Variants in ST3GAL3 observed in about 807,000 individuals in gnomAD.
ST3GAL3 encodes CMP-N-acetylneuraminate-beta-1,4-galactoside alpha-2,3-sialyltransferase.
Under a neutral mutation model 50.1 loss-of-function variants are expected in ST3GAL3, and 21 were observed. The ratio of observed to expected loss-of-function variants is 0.42; its 90% CI spans 0.30 to 0.60. The LOEUF (loss-of-function observed/expected upper bound fraction) is 0.60, where lower values mean the gene tolerates loss of function less well. Ranked by LOEUF, ST3GAL3 falls within the 20% of genes least tolerant of loss-of-function variation. ST3GAL3 has a pLI of 0.19. For synonymous variants in ST3GAL3, 183 were observed against 190.0 expected (o/e 0.96, Z 0.30); for missense variants, 353 against 489.4 (o/e 0.72, Z 2.63).
At chr1:43,710,942 C>G (rs565707716) in intron 1 of ST3GAL3, among the ~76,000 whole-genome samples, 1 of 152,224 alleles carries the variant, frequency 6.6e-6, no homozygotes, top group Non-Finnish European at 1.5e-5. Context: ...ATAGACTGTC[C>G]TCTTCATCAT....
At chr1:43,807,458 A>G (rs2060036262) in intron 3 of ST3GAL3, among the ~76,000 whole-genome samples, 1 of 151,900 alleles carries the variant, frequency 6.6e-6, no homozygotes, top group South Asian at 2.1e-4. Context: ...ATAAAGTAGG[A>G]ATGATATCTA....
At chr1:43,821,680 C>T (rs1179698258) in intron 4 of ST3GAL3, among the ~76,000 whole-genome samples, 2 of 152,124 alleles carry the variant, frequency 1.3e-5, no homozygotes, top group South Asian at 4.1e-4. Context: ...AGAATTGACC[C>T]CGTCTTCCCC....
At chr1:43,856,398 C>T (rs1197463085) in intron 5 of ST3GAL3, among the ~76,000 whole-genome samples, 4 of 152,166 alleles carry the variant, frequency 2.6e-5, no homozygotes, top group Non-Finnish European at 5.9e-5. Context: ...GTCATAGTAG[C>T]ACAGAGCCAG....
chr1:43,917,643 A>T (rs1374295085), intron 9 of ST3GAL3, among the ~76,000 whole-genome samples: 806 of 73,278 alleles, frequency 0.011, 15 homozygotes, highest in African/African-American at 0.04. Flanking sequence ...ATATAATATA[A>T]TATATAATAT....
At chr1:43,760,320 T>TA (rs1689785679) in intron 2 of ST3GAL3, among the ~76,000 whole-genome samples, 1 of 152,250 alleles carries the variant, frequency 6.6e-6, no homozygotes, top group African/African-American at 2.4e-5. Flanking sequence ...ACTTGTCTGA[T>TA]ACAGTCAGTA....
At chr1:43,723,911 C>T (rs1203251766) in intron 1 of ST3GAL3, among the ~76,000 whole-genome samples, 2 of 152,204 alleles carry the variant, frequency 1.3e-5, no homozygotes, top group African/African-American at 2.4e-5. Context: ...TGTGTCCAGC[C>T]TCAGGTATTT....
intron 2 of ST3GAL3, among the ~76,000 whole-genome samples, chr1:43,746,046 G>A (rs188823256): frequency 5.9e-5 from 9 of 152,280 alleles, no homozygotes; most frequent in Admixed American, 3.9e-4. Flanking sequence ...GCCTAACAGC[G>A]CAGTTCTTAG....
chr1:43,921,191 CT>C (rs2082976455), intron 11 of ST3GAL3, among the ~76,000 whole-genome samples: 1 of 152,180 alleles, frequency 6.6e-6, no homozygotes, highest in Admixed American at 6.5e-5. Context: ...GAACACTAGT[CT>C]AGCACCAGCT....
chr1:43,788,054 GT>G (rs1375885015), intron 2 of ST3GAL3, among the ~76,000 whole-genome samples: 1 of 152,184 alleles, frequency 6.6e-6, no homozygotes, highest in East Asian at 1.9e-4. Context: ...GGATTCAGAA[GT>G]TCTGTTTTGA....
chr1:43,764,928 AG>A (rs1235957774), intron 2 of ST3GAL3, among the ~76,000 whole-genome samples: 3 of 152,260 alleles, frequency 2.0e-5, no homozygotes, highest in African/African-American at 7.2e-5. Flanking sequence ...CTCTCCTGAA[AG>A]GGCTGGTAGA....
chr1:43,823,661 G>C (rs1378978811), intron 4 of ST3GAL3, among the ~76,000 whole-genome samples: 2 of 152,044 alleles, frequency 1.3e-5, no homozygotes, highest in Non-Finnish European at 2.9e-5. Flanking sequence ...TTTATTGTCT[G>C]TCTCCATCTA....
chr1:43,713,814 G>C (rs911946519), intron 1 of ST3GAL3, among the ~76,000 whole-genome samples: 2 of 152,086 alleles, frequency 1.3e-5, no homozygotes, highest in South Asian at 2.1e-4. Flanking sequence ...GGGTTTACAC[G>C]CGTGAGCCAC....
chr1:43,843,956 G>A (rs573772120), intron 5 of ST3GAL3, among the ~76,000 whole-genome samples: 7 of 152,158 alleles, frequency 4.6e-5, no homozygotes, highest in African/African-American at 9.7e-5. Flanking sequence ...TATACATCTC[G>A]CCAACCAGCT....
intron 4 of ST3GAL3, among the ~76,000 whole-genome samples, chr1:43,823,583 C>G (rs2062394744): frequency 6.6e-6 from 1 of 152,180 alleles, no homozygotes; most frequent in Admixed American, 6.5e-5. Context: ...TTCCCTGTTC[C>G]CCTTTACTGT....
rs926109255 is a variant in ST3GAL3 at position 43,789,057 on chromosome 1, G to T, written c.119-3045G>T. 2.6e-5 allele frequency among the ~76,000 whole-genome samples: 4 copies of T among 152,064 alleles called. No homozygotes were observed. In the East Asian group the frequency reaches 7.7e-4, roughly 29 times the overall value. ...ATTTTGCATATCTGGAACTCAAGGT[G>T]GTAAATGAGGCAAATGGTAAAGACA... On this transcript the variant is annotated intron_variant, in intron 2 of 11. Transcript: ENST00000347631.
chr1:43,716,083 A>G (rs913843753), intron 1 of ST3GAL3, among the ~76,000 whole-genome samples: 2 of 152,246 alleles, frequency 1.3e-5, no homozygotes, highest in African/African-American at 4.8e-5. Context: ...GGAAACATTA[A>G]AAACGTCTAT....
chr1:43,916,112 C>T (rs1420646718), intron 9 of ST3GAL3, among the ~76,000 whole-genome samples: 2 of 152,310 alleles, frequency 1.3e-5, no homozygotes, highest in East Asian at 3.9e-4. Flanking sequence ...TTGGGAGATA[C>T]AGGCAGCCCA....
At chr1:43,746,591 T>C (rs1458224614) in intron 2 of ST3GAL3, among the ~76,000 whole-genome samples, 1 of 149,998 alleles carries the variant, frequency 6.7e-6, no homozygotes, top group Non-Finnish European at 1.5e-5. Context: ...GCCTCCCGAG[T>C]AGCTGAGACT....
intron 1 of ST3GAL3, among the ~76,000 whole-genome samples, chr1:43,714,061 C>A (rs1204323673): frequency 1.3e-5 from 2 of 151,608 alleles, no homozygotes; most frequent in African/African-American, 4.9e-5. Flanking sequence ...GTTAGGAGTT[C>A]GAGGCCAGCC....
Sources: gnomAD v4.1 joint callset for allele counts (sites outside exome capture counted in the v4.1 genomes callset) on GRCh38, gnomAD v4.1.1 for gene constraint, MANE v1.5 for transcripts, NCBI Gene and HGNC (gene_info 2026-07-23, HGNC 2026-07-21) for gene names.